HECTD4: variants seen among roughly 807,000 people sequenced by gnomAD.
HECTD4 encodes probable E3 ubiquitin-protein ligase HECTD4.
A neutral mutation model predicts 471.5 loss-of-function variants in HECTD4; 114 were observed. The observed-to-expected ratio is 0.24, with a 90% CI of 0.21 to 0.28. The LOEUF (loss-of-function observed/expected upper bound fraction) is 0.28. Ranked by LOEUF, HECTD4 falls within the 10% of genes least tolerant of loss-of-function variation. The pLI, the probability that HECTD4 is intolerant of heterozygous loss-of-function variation, is 1.00. For synonymous variants in HECTD4, 2,012 were observed against 2,256.0 expected (o/e 0.89, Z 3.07); for missense variants, 3,866 against 5,651.5 (o/e 0.68, Z 10.13).
chr12:112,220,476 A>G (rs1323509668), intron 44 of HECTD4, among the ~76,000 whole-genome samples: 1 of 152,044 alleles, frequency 6.6e-6, no homozygotes, highest in African/African-American at 2.4e-5. Flanking sequence ...AGCATCCAGA[A>G]AGGCTTAATG....
At position 112,340,519 on chromosome 12, in the gene HECTD4, C is replaced by T. The variant is rs1002876181; in HGVS notation, c.178-20777G>A. Among the ~76,000 whole-genome samples the T allele has an allele frequency of 2.0e-5, 3 of 152,154 alleles. No individual in the cohort carries two copies. In the East Asian group the frequency reaches 5.8e-4, roughly 29 times the overall value. On this transcript the variant is annotated intron_variant, in intron 1 of 75. Transcript: ENST00000682272. ...AAGGTCTAGAGATATTTTTGGTTGT[C>T]GCAAGTATAGACGAGCTACTGGCAT...
chr12:112,238,660 GA>G (rs2033571101), intron 34 of HECTD4, among the ~76,000 whole-genome samples: 1 of 152,030 alleles, frequency 6.6e-6, no homozygotes, highest in African/African-American at 2.4e-5. Context: ...TTGAGCCAGG[GA>G]GGTTGAGGTT....
At position 112,246,528 on chromosome 12, in the gene HECTD4, A is replaced by G. The variant is rs55893433; in HGVS notation, c.4513+373T>C. Reference sequence around the variant, plus strand: ...ATGCGCCTGTAATCCCACCTTACTCAGGAGGCTGAAGCAGAAGAATTGCTT... The same window carrying G: ...ATGCGCCTGTAATCCCACCTTACTCGGGAGGCTGAAGCAGAAGAATTGCTT... On this transcript the variant is annotated intron_variant, in intron 29 of 75. Coordinates refer to ENST00000682272, the MANE Select transcript of HECTD4 (RefSeq NM_001388303.1). Among the ~76,000 whole-genome samples, 8,468 of 152,162 alleles carry G rather than the reference A, an allele frequency of 0.056. 1,294 individuals are homozygous for G. The East Asian group carries it at 0.61, about 11-fold the overall frequency.
At chr12:112,237,890 GA>G (rs1465344786) in intron 34 of HECTD4, among the ~76,000 whole-genome samples, 1 of 152,026 alleles carries the variant, frequency 6.6e-6, no homozygotes. Flanking sequence ...TAGTAGCTGG[GA>G]TTACAGGTAT....
intron 38 of HECTD4, among the ~76,000 whole-genome samples, 183 bp from the exon 39 acceptor site, chr12:112,231,898 A>G (rs1334084163): frequency 6.6e-6 from 1 of 152,088 alleles, no homozygotes; most frequent in Admixed American, 6.6e-5. Context: ...GGCTGAGATA[A>G]TGGTTAGTCA....
At position 112,258,576 on chromosome 12, in the gene HECTD4, G is replaced by C. The variant is rs1424017581; in HGVS notation, c.3048C>G (p.Thr1016=). The C allele has an allele frequency of 1.2e-5, 20 of 1,603,090 alleles. No homozygotes were observed. The highest frequency in any genetic ancestry group is 3.4e-5 in the South Asian group (3 of 89,486). The change falls in exon 20 of 76, where the codon ACC becomes ACG. Residue 1016 remains threonine (T), a synonymous_variant. Coordinates refer to ENST00000682272, the MANE Select transcript of HECTD4 (RefSeq NM_001388303.1). ...CCACCTCAGCAAAAACCGGACACTGGGTTTTAAGCAGCAACGCCGTCTGAA... is the reference window on the plus strand; with the variant it reads ...CCACCTCAGCAAAAACCGGACACTGCGTTTTAAGCAGCAACGCCGTCTGAA... ...YTSQTALLLK[T]QCPVFAEVGC...
chr12:112,352,191 G>T (rs905208806), intron 1 of HECTD4, among the ~76,000 whole-genome samples: 1 of 152,154 alleles, frequency 6.6e-6, no homozygotes, highest in Non-Finnish European at 1.5e-5. Context: ...TGGTGGCGAG[G>T]AGGGGACATC....
At chr12:112,255,336 A>G (rs2033985252) in intron 21 of HECTD4, among the ~76,000 whole-genome samples, 1 of 152,216 alleles carries the variant, frequency 6.6e-6, no homozygotes, top group Non-Finnish European at 1.5e-5. Flanking sequence ...ACTAAAGATC[A>G]TCTCATATAT....
At chr12:112,293,461 G>A (rs996321941) in intron 7 of HECTD4, among the ~76,000 whole-genome samples, 1 of 151,744 alleles carries the variant, frequency 6.6e-6, no homozygotes, top group Admixed American at 6.6e-5. Context: ...AGGATTTATT[G>A]AACCTGGGAG....
intron 19 of HECTD4, 188 bp from the exon 20 acceptor site, chr12:112,258,784 C>A (rs1822268935): frequency 1.6e-5 from 9 of 565,930 alleles, no homozygotes; most frequent in Non-Finnish European, 2.7e-5. Context: ...TGGAATGCAT[C>A]ATTTATATTA....
intron 1 of HECTD4, among the ~76,000 whole-genome samples, chr12:112,354,564 T>C (rs2036299113): frequency 6.6e-6 from 1 of 152,092 alleles, no homozygotes; most frequent in East Asian, 1.9e-4. Context: ...TACACACCTG[T>C]AGTCCCAGCT....
chr12:112,167,154 C>T, intron 72 of HECTD4, 163 bp downstream of exon 72: 1 of 580,548 alleles, frequency 1.7e-6, no homozygotes. Context: ...AGGCCTCTGT[C>T]CCCATGAAAT....
At chr12:112,180,531 TAA>T (rs35992099) in intron 62 of HECTD4, among the ~76,000 whole-genome samples, 1 of 140,178 alleles carries the variant, frequency 7.1e-6, no homozygotes, top group Non-Finnish European at 1.6e-5. Context: ...TGAGACTGTT[TAA>T]AAAAAAAAAA....
intron 1 of HECTD4, among the ~76,000 whole-genome samples, chr12:112,377,004 C>T (rs2036793787): frequency 6.6e-6 from 1 of 152,138 alleles, no homozygotes; most frequent in Non-Finnish European, 1.5e-5. Context: ...CTCAGCTCCT[C>T]AGGGGGCTGA....
Position 112,382,379 on chromosome 12 carries a change from C to T in HECTD4, c.-251G>A. The T allele has an allele frequency of 2.8e-6, 1 of 354,716 alleles. No homozygotes were observed. The highest frequency in any genetic ancestry group is 4.9e-6 in the Non-Finnish European group (1 of 202,270). The allele number at this position is 354,716 out of a possible 1,614,324, so 22.0% of individuals were successfully genotyped here. ...CGCCGCCCTCAGGAGCAGGATCCGC[C>T]TCTGCCGCTCGGCAACCAACTGTCA... On this transcript the variant is annotated 5_prime_UTR_variant, in exon 1 of 76. Transcript: ENST00000682272.
At chr12:112,323,965 T>TCTTTCTTC (rs2035648599) in intron 1 of HECTD4, among the ~76,000 whole-genome samples, 1 of 43,954 alleles carries the variant, frequency 2.3e-5, no homozygotes, top group Non-Finnish European at 4.3e-5. Context: ...TTTCTTTCTT[T>TCTTTCTTC]CTTCCTTCCT....
intron 1 of HECTD4, among the ~76,000 whole-genome samples, chr12:112,371,902 A>G (rs1044667764): frequency 5.3e-4 from 80 of 150,794 alleles, no homozygotes; most frequent in Non-Finnish European, 5.0e-4. Flanking sequence ...AAAAAAAAAA[A>G]AAAAAGAAAA....
chr12:112,172,601 TA>T, intron 67 of HECTD4, 69 bp downstream of exon 67: 1 of 1,464,950 alleles, frequency 6.8e-7, no homozygotes, highest in Non-Finnish European at 9.5e-7. Context: ...CTAGCCCTTG[TA>T]AATGCCCCTT....
In HECTD4 at chr12:112,167,441, A is replaced by G. The variant is rs192798748; in HGVS notation, c.12410T>C (p.Val4137Ala). The change falls in exon 72 of 76, where the codon GTC (valine) becomes GCC (alanine). Residue 4137 changes from valine to alanine, a missense_variant. Val to Ala is a moderately conservative substitution (Grantham distance 64, BLOSUM62 0). Around this residue, in one of 16 missense-constraint regions of HECTD4, gnomAD observed 715 missense variants for 1,087.6 expected, o/e 0.66. Coordinates refer to ENST00000682272, the MANE Select transcript of HECTD4 (RefSeq NM_001388303.1). Reference protein sequence around the residue: ...QLLGIAIRADVPLPLDLLPSF... With the variant: ...QLLGIAIRADAPLPLDLLPSF... ...GGGCAGGAGGTCCAGGGGCAGCGGG[A>G]CGTCTGCCCGAATTGCAATCCCCAG... is the stretch of plus-strand genomic sequence containing the variant. 6.2e-7 allele frequency: 1 copy of G among 1,613,586 alleles called. No individual in the cohort carries two copies. The highest frequency in any genetic ancestry group is 8.5e-7 in the Non-Finnish European group (1 of 1,179,762).
Sources: allele counts gnomAD v4.1 joint callset (sites outside exome capture counted in the v4.1 genomes callset), GRCh38; gene constraint gnomAD v4.1.1; regional missense constraint gnomAD v4.1.1; transcripts MANE v1.5; gene names NCBI Gene and HGNC (gene_info 2026-07-23, HGNC 2026-07-21).